The following ESRRB variants were observed in gnomAD, a reference collection of about 807,000 sequenced individuals.
ESRRB encodes the protein estrogen related receptor beta.
A neutral mutation model predicts 46.0 loss-of-function variants in ESRRB; 16 were observed. That is an observed-to-expected ratio of 0.35 (90% CI 0.24 to 0.53). The LOEUF (loss-of-function observed/expected upper bound fraction) is 0.53, where lower values mean the gene tolerates loss of function less well. Among genes scored for constraint, ESRRB ranks in the 20% least tolerant of loss-of-function variants. The pLI is 0.93. For missense variants in ESRRB, 488 were observed against 607.4 expected, an observed-to-expected ratio of 0.80 and a Z score of 2.07; for synonymous variants, 246 against 259.6, an observed-to-expected ratio of 0.95 and a Z score of 0.50.
intron 1 of ESRRB, among the ~76,000 whole-genome samples, chr14:76,352,037 G>C (rs929127539): frequency 4.0e-5 from 6 of 149,574 alleles, no homozygotes; most frequent in African/African-American, 1.2e-4. Context: ...AAGTGAACAG[G>C]TTTTTAAGTG....
chr14:76,396,205 A>G (rs1328605478), intron 1 of ESRRB, among the ~76,000 whole-genome samples: 1 of 150,802 alleles, frequency 6.6e-6, no homozygotes, highest in Non-Finnish European at 1.5e-5. Flanking sequence ...AAAACAAAAA[A>G]CAAAAAAACA....
intron 1 of ESRRB, among the ~76,000 whole-genome samples, chr14:76,377,958 G>C (rs1884847619): frequency 1.4e-5 from 2 of 144,516 alleles, no homozygotes; most frequent in African/African-American, 5.0e-5. Flanking sequence ...AATAATAATG[G>C]ATTCCGATTT....
intron 1 of ESRRB, among the ~76,000 whole-genome samples, chr14:76,325,921 G>A (rs772574180): frequency 2.6e-5 from 4 of 152,122 alleles, no homozygotes; most frequent in South Asian, 4.2e-4. Flanking sequence ...CTCATCGCCC[G>A]CCTGTGCTGC....
At position 76,434,257 on chromosome 14, in the gene ESRRB, C is replaced by T. The variant is rs912226367; in HGVS notation, c.51-5084C>T. Among the ~76,000 whole-genome samples the T allele has an allele frequency of 2.0e-5, 3 of 152,214 alleles. No homozygotes were observed. In the East Asian group the frequency reaches 5.8e-4, roughly 29 times the overall value. ...TCTGGCCTCTCCAGCAACTTTCTTC[C>T]CCCTGCCTGGTGCATCAGGAACCAG... On this transcript the variant is annotated intron_variant, in intron 1 of 6. Coordinates refer to ENST00000644823, the MANE Select transcript of ESRRB (RefSeq NM_001379180.1).
chr14:76,329,693 A>T (rs1025934475), intron 1 of ESRRB, among the ~76,000 whole-genome samples: 2 of 151,762 alleles, frequency 1.3e-5, no homozygotes, highest in Non-Finnish European at 2.9e-5. Flanking sequence ...CCGGGCGCAC[A>T]CTCACATGCA....
chr14:76,448,271 T>G (rs1182992563), intron 2 of ESRRB, among the ~76,000 whole-genome samples: 1 of 151,924 alleles, frequency 6.6e-6, no homozygotes, highest in Non-Finnish European at 1.5e-5. Flanking sequence ...CCATTTTTTT[T>G]GTCTGATACC....
Position 76,482,741 on chromosome 14 carries a change from T to G in ESRRB, c.832T>G (p.Trp278Gly). ...CCGAGAGCTTGTGGTCATCATTGGC[T>G]GGGCCAAGCACATCCCAGGTGAGCA... ...ADRELVVIIG[W>G]AKHIPGFSSL... Residue 278 changes from tryptophan to glycine, a missense_variant, in exon 5 of 7, where the codon TGG (tryptophan) becomes GGG (glycine). Transcript: ENST00000644823. The surrounding 1 kb of genome is among the most constrained non-coding windows in gnomAD (Gnocchi z 4.3). 1 of 1,614,106 alleles carries G rather than the reference T, an allele frequency of 6.2e-7. No individual in the cohort carries two copies. The highest frequency in any genetic ancestry group is 8.5e-7 in the Non-Finnish European group (1 of 1,180,016).
At chr14:76,348,491 C>T (rs1595051347) in intron 1 of ESRRB, among the ~76,000 whole-genome samples, 1 of 152,200 alleles carries the variant, frequency 6.6e-6, no homozygotes, top group African/African-American at 2.4e-5. Context: ...TCCTCCTGCT[C>T]ACCTGTGCAA....
At chr14:76,340,743 C>T (rs989579101) in intron 1 of ESRRB, among the ~76,000 whole-genome samples, 2 of 152,204 alleles carry the variant, frequency 1.3e-5, no homozygotes, top group African/African-American at 4.8e-5. Context: ...GCTGTGTTGA[C>T]AAACCATGAG....
chr14:76,370,703 A>G (rs1884601659), upstream of ESRRB, among the ~76,000 whole-genome samples: 1 of 152,116 alleles, frequency 6.6e-6, no homozygotes, highest in Non-Finnish European at 1.5e-5. Flanking sequence ...GCAAGGGATA[A>G]AGCTATTACA....
At chr14:76,388,151 C>G (rs148264904) in intron 1 of ESRRB, among the ~76,000 whole-genome samples, 1 of 148,352 alleles carries the variant, frequency 6.7e-6, no homozygotes, top group Non-Finnish European at 1.5e-5. Flanking sequence ...CTCATTGCAT[C>G]TAGAATTTCA....
chr14:76,428,721 T>C (rs1287881335), intron 1 of ESRRB, among the ~76,000 whole-genome samples: 1 of 152,226 alleles, frequency 6.6e-6, no homozygotes, highest in African/African-American at 2.4e-5. Flanking sequence ...TGTCTCTTCC[T>C]GCCTTGGTAG....
At chr14:76,336,935 G>A (rs1884133635) in intron 1 of ESRRB, among the ~76,000 whole-genome samples, 1 of 152,098 alleles carries the variant, frequency 6.6e-6, no homozygotes, top group African/African-American at 2.4e-5. Context: ...TAGAGAACTA[G>A]TAAAGGAAGG....
chr14:76,452,187 G>T (rs75973991), intron 2 of ESRRB, among the ~76,000 whole-genome samples: 22,648 of 151,970 alleles, frequency 0.15, 2,624 homozygotes, highest in African/African-American at 0.33. Flanking sequence ...TGAGCCACCT[G>T]CCTTGGCCTC....
chr14:76,473,751 C>T (rs1430674328), intron 3 of ESRRB, among the ~76,000 whole-genome samples: 1 of 152,214 alleles, frequency 6.6e-6, no homozygotes, highest in East Asian at 1.9e-4. Flanking sequence ...ATGTCAGAAA[C>T]CTGATCTTAT....
intron 1 of ESRRB, among the ~76,000 whole-genome samples, chr14:76,383,461 A>G (rs995173147): frequency 6.6e-5 from 10 of 152,236 alleles, no homozygotes; most frequent in Non-Finnish European, 1.5e-4. Context: ...AGAACAAGGA[A>G]ATACAGGTGT....
At chr14:76,360,940 T>C (rs1214720534) in intron 1 of ESRRB, among the ~76,000 whole-genome samples, 1 of 152,202 alleles carries the variant, frequency 6.6e-6, no homozygotes, top group Non-Finnish European at 1.5e-5. Context: ...CCTCTGACTG[T>C]GAGCTAACAA....
intron 1 of ESRRB, among the ~76,000 whole-genome samples, chr14:76,422,410 A>C (rs1427339376): frequency 6.6e-6 from 1 of 151,882 alleles, no homozygotes; most frequent in African/African-American, 2.4e-5. Context: ...ACAAGGTTTC[A>C]CCATGTTGGC....
intron 1 of ESRRB, among the ~76,000 whole-genome samples, chr14:76,324,971 T>C (rs1367799991): frequency 1.6e-5 from 2 of 122,522 alleles, no homozygotes. Context: ...TTCTTTTTTT[T>C]TTTTTTTTTT....
Sources: gnomAD v4.1 joint callset for allele counts (sites outside exome capture counted in the v4.1 genomes callset) on GRCh38, gnomAD v4.1.1 for gene constraint, Gnocchi (gnomAD v3.1) non-coding constraint, MANE v1.5 for transcripts, NCBI Gene and HGNC (gene_info 2026-07-23, HGNC 2026-07-21) for gene names.